Variants in ASIC2 observed in about 807,000 individuals in gnomAD.
The protein encoded by ASIC2 is acid sensing ion channel subunit 2, also known as acid-sensing ion channel 2.
Under a neutral mutation model 57.3 loss-of-function variants are expected in ASIC2, and 25 were observed. The observed-to-expected ratio is 0.44, with a 90% CI of 0.32 to 0.61. The LOEUF (loss-of-function observed/expected upper bound fraction) is 0.61. ASIC2 is among the 20% of genes least tolerant of loss of function. The pLI, the probability that ASIC2 is intolerant of heterozygous loss-of-function variation, is 0.06. For missense variants in ASIC2, 641 were observed against 738.1 expected (o/e 0.87, Z 1.52); for synonymous variants, 319 against 307.5 (o/e 1.04, Z -0.39).
chr17:33,800,976 G>T (rs1912116819), intron 1 of ASIC2, among the ~76,000 whole-genome samples: 1 of 152,122 alleles, frequency 6.6e-6, no homozygotes, highest in East Asian at 1.9e-4. Context: ...AAAGAAAAGG[G>T]TTTATTCTGT....
chr17:33,593,392 A>C (rs1904886083), intron 1 of ASIC2, among the ~76,000 whole-genome samples: 1 of 151,852 alleles, frequency 6.6e-6, no homozygotes, highest in African/African-American at 2.4e-5. Context: ...TGGCTAGGTT[A>C]TCTTCAAGGG....
chr17:33,401,137 C>T (rs1910271429), intron 1 of ASIC2, among the ~76,000 whole-genome samples: 2 of 152,152 alleles, frequency 1.3e-5, no homozygotes, highest in South Asian at 4.1e-4. Flanking sequence ...GTGCTTCCAT[C>T]CGGGAGAGCC....
intron 1 of ASIC2, among the ~76,000 whole-genome samples, chr17:33,929,831 G>A (rs1410087207): frequency 6.6e-6 from 1 of 152,176 alleles, no homozygotes; most frequent in African/African-American, 2.4e-5. Flanking sequence ...TACAAAGCTT[G>A]GGAAGTAGAA....
chr17:34,085,247 A>G (rs2142082593), intron 1 of ASIC2, among the ~76,000 whole-genome samples: 1 of 152,276 alleles, frequency 6.6e-6, no homozygotes, highest in East Asian at 1.9e-4. Context: ...TTTTAGCATG[A>G]AGGTTGTTGA....
At chr17:33,835,002 TTTA>T (rs1384272457) in intron 1 of ASIC2, among the ~76,000 whole-genome samples, 1 of 148,802 alleles carries the variant, frequency 6.7e-6, no homozygotes, top group East Asian at 1.9e-4. Context: ...TCAATAAATA[TTTA>T]TTGAGTCTTT....
intron 1 of ASIC2, among the ~76,000 whole-genome samples, chr17:34,102,395 TG>T (rs1910899425): frequency 6.6e-6 from 1 of 152,042 alleles, no homozygotes; most frequent in South Asian, 2.1e-4. Context: ...GGATGCATCA[TG>T]TATCTCTAGC....
At position 34,099,148 on chromosome 17, in the gene ASIC2, GAGAGAGAGAGAGAGAGAA is replaced by G. The variant is rs1567820843; in HGVS notation, c.555+56812_555+56829del. ...AGAGAGAGAGAGAGAGAGAGAGACAGAGAGAGAGAGAGAGAGAAAGAAAGAAAGAAAGAAAGAAAGAAA... is the reference window on the plus strand; with the variant it reads ...AGAGAGAGAGAGAGAGAGAGAGACAGAGAAAGAAAGAAAGAAAGAAAGAAA... On this transcript the variant is annotated intron_variant, in intron 1 of 9. Transcript: ENST00000359872. Among the ~76,000 whole-genome samples, 83 of 13,962 alleles carry G rather than the reference GAGAGAGAGAGAGAGAGAA, an allele frequency of 5.9e-3. 1 individual carries two copies. The highest frequency in any genetic ancestry group is 0.018 in the African/African-American group (80 of 4,372). 9.2% of individuals were successfully genotyped at this position (13,962 alleles called of 152,430 possible).
intron 1 of ASIC2, among the ~76,000 whole-genome samples, chr17:33,443,439 A>T (rs1597729267): frequency 1.7e-5 from 1 of 60,000 alleles, no homozygotes; most frequent in Admixed American, 2.3e-4. Context: ...TTTGAGACGG[A>T]GTCTCGCTCT....
At chr17:33,375,874 G>A (rs1281548082) in intron 1 of ASIC2, among the ~76,000 whole-genome samples, 2 of 132,340 alleles carry the variant, frequency 1.5e-5, no homozygotes, top group African/African-American at 6.7e-5. Flanking sequence ...GAAAGTAAGT[G>A]AGTAGCAGCT....
intron 1 of ASIC2, among the ~76,000 whole-genome samples, chr17:34,144,769 T>C (rs1287910547): frequency 6.6e-6 from 1 of 152,214 alleles, no homozygotes; most frequent in East Asian, 1.9e-4. Flanking sequence ...TACCTCATTA[T>C]GTTATTATCT....
rs116791470 is a variant in ASIC2 at position 33,763,559 on chromosome 17, C to T, written c.555+392419G>A. On this transcript the variant is annotated intron_variant, in intron 1 of 9. Coordinates refer to the ASIC2 transcript ENST00000359872. ...GCCAGGGGAGGGTTATGCTTTCCCT[C>T]CTTTCAAACTTAGGTGCACCCAAGT... 2.9e-3 allele frequency among the ~76,000 whole-genome samples: 446 copies of T among 152,304 alleles called. 1 individual carries two copies. Among genetic ancestry groups the T allele is most frequent in the African/African-American group, 0.01 (430 of 41,548 alleles).
chr17:33,192,434 C>T (rs374674914), intron 1 of ASIC2, among the ~76,000 whole-genome samples: 1 of 145,672 alleles, frequency 6.9e-6, no homozygotes, highest in South Asian at 2.3e-4. Context: ...CAAAACAAAA[C>T]AAAACAAAAC....
intron 1 of ASIC2, among the ~76,000 whole-genome samples, chr17:33,399,535 A>G (rs938910121): frequency 1.3e-5 from 2 of 152,210 alleles, no homozygotes; most frequent in African/African-American, 2.4e-5. Context: ...ATCTCCGATG[A>G]ACCATCTAAA....
At chr17:33,576,286 C>A (rs560215791) in intron 1 of ASIC2, among the ~76,000 whole-genome samples, 1 of 152,230 alleles carries the variant, frequency 6.6e-6, no homozygotes, top group South Asian at 2.1e-4. Flanking sequence ...CAGAGAGAAC[C>A]CAGTTCAAAT....
chr17:33,984,811 G>C (rs1003405149), intron 1 of ASIC2, among the ~76,000 whole-genome samples: 1 of 152,186 alleles, frequency 6.6e-6, no homozygotes, highest in Non-Finnish European at 1.5e-5. Context: ...GAGAGGCAAA[G>C]AGAATAGAAA....
intron 1 of ASIC2, among the ~76,000 whole-genome samples, chr17:33,973,799 A>G (rs573472652): frequency 4.5e-4 from 68 of 151,882 alleles, no homozygotes; most frequent in African/African-American, 1.6e-3. Context: ...GGGTAAGCGT[A>G]TTTGCTGTGA....
At chr17:34,120,743 T>TC (rs1911593872) in intron 1 of ASIC2, among the ~76,000 whole-genome samples, 2 of 125,116 alleles carry the variant, frequency 1.6e-5, no homozygotes, top group African/African-American at 7.4e-5. Context: ...TTTTTTCTTT[T>TC]TTTTTTTTTT....
At chr17:33,395,587 T>C (rs1240431761) in intron 1 of ASIC2, among the ~76,000 whole-genome samples, 5 of 152,312 alleles carry the variant, frequency 3.3e-5, no homozygotes, top group African/African-American at 1.2e-4. Context: ...CCTATCACCA[T>C]CCATCTGTCC....
Position 33,013,763 on chromosome 17 carries a change from G to C in ASIC2, c.*202C>G. ...CCAGAGTGTGACTCATCTCTCCTAA[G>C]AGGGACGCACGGCGGGGCCCAAGGA... On this transcript the variant is annotated 3_prime_UTR_variant, in exon 10 of 10. Coordinates refer to ENST00000225823, the MANE Select transcript of ASIC2 (RefSeq NM_183377.2). 1.6e-6 allele frequency: 1 copy of C among 606,558 alleles called. No homozygotes were observed. Among genetic ancestry groups the C allele is most frequent in the Non-Finnish European group, 3.0e-6 (1 of 337,784 alleles). The allele number at this position is 606,558 out of a possible 1,614,324, so 37.6% of individuals were successfully genotyped here.
Sources: gnomAD v4.1 joint callset for allele counts (sites outside exome capture counted in the v4.1 genomes callset) on GRCh38, gnomAD v4.1.1 for gene constraint, MANE v1.5 for transcripts, NCBI Gene and HGNC (gene_info 2026-07-23, HGNC 2026-07-21) for gene names.